Variants in EPHA6 observed in about 807,000 individuals in gnomAD.
EPHA6 encodes the protein EPH receptor A6, also known as ephrin type-A receptor 6.
EPHA6 carries 50 observed loss-of-function variants against 112.0 expected under a neutral mutation model. The ratio of observed to expected loss-of-function variants is 0.45; its 90% confidence interval spans 0.36 to 0.56. The LOEUF is 0.56. Among genes scored for constraint, EPHA6 ranks in the 20% least tolerant of loss-of-function variants. The pLI is 0.00. For missense variants in EPHA6, 1,280 were observed against 1,417.4 expected, an observed-to-expected ratio of 0.90 and a Z score of 1.56; for synonymous variants, 529 against 490.7, an observed-to-expected ratio of 1.08 and a Z score of -1.03.
intron 14 of EPHA6, among the ~76,000 whole-genome samples, chr3:97,677,594 G>C (rs9853231): frequency 0.011 from 1,656 of 152,134 alleles, 32 homozygotes; most frequent in African/African-American, 0.037. Context: ...GGTGGCAGGC[G>C]CCTGTAATCC....
intron 2 of EPHA6, among the ~76,000 whole-genome samples, chr3:96,891,639 G>A (rs1336944612): frequency 6.6e-6 from 1 of 152,108 alleles, no homozygotes; most frequent in Non-Finnish European, 1.5e-5. Flanking sequence ...AACCCGGGAG[G>A]CGGAGGTTTC....
intron 13 of EPHA6, among the ~76,000 whole-genome samples, chr3:97,621,391 C>T (rs1425593296): frequency 1.3e-5 from 2 of 151,950 alleles, no homozygotes; most frequent in Non-Finnish European, 2.9e-5. Context: ...GAAATCTGCA[C>T]ATCCTGCACA....
At chr3:97,376,681 T>G (rs1326810330) in intron 5 of EPHA6, among the ~76,000 whole-genome samples, 2 of 152,244 alleles carry the variant, frequency 1.3e-5, no homozygotes, top group Non-Finnish European at 2.9e-5. Context: ...GCTGCTTCAA[T>G]GAGACAGCAA....
At chr3:96,985,014 T>G (rs889299256) in intron 2 of EPHA6, among the ~76,000 whole-genome samples, 1 of 152,172 alleles carries the variant, frequency 6.6e-6, no homozygotes, top group Non-Finnish European at 1.5e-5. Context: ...AGGCGATGCT[T>G]CGCCCTGCTT....
At chr3:97,105,866 TAA>T (rs1381984093) in intron 3 of EPHA6, among the ~76,000 whole-genome samples, 1 of 152,144 alleles carries the variant, frequency 6.6e-6, no homozygotes, top group Non-Finnish European at 1.5e-5. Flanking sequence ...TTAGGATAGT[TAA>T]GTCTTGTTGA....
At chr3:97,291,596 G>T (rs2080686328) in intron 5 of EPHA6, among the ~76,000 whole-genome samples, 1 of 151,924 alleles carries the variant, frequency 6.6e-6, no homozygotes, top group Non-Finnish European at 1.5e-5. Flanking sequence ...ATCTATCTTT[G>T]TGTTCTGAAA....
chr3:97,528,323 G>A (rs1268634193), intron 10 of EPHA6, among the ~76,000 whole-genome samples: 1 of 152,056 alleles, frequency 6.6e-6, no homozygotes, highest in Non-Finnish European at 1.5e-5. Context: ...CAGTTAAAAG[G>A]GCCTGTTGGT....
rs186667707 is a variant in EPHA6 at position 97,511,155 on chromosome 3, T to C, written c.2201-21203T>C. Among the ~76,000 whole-genome samples, 64 of 152,110 alleles carry C rather than the reference T, an allele frequency of 4.2e-4. 3 individuals carry two copies. Among genetic ancestry groups the C allele is most frequent in the African/African-American group, 1.3e-3 (56 of 41,522 alleles). ...CACTAAGCTAGACCACTTGGCTCCATGGCTTCAGCCCCCTTTCCAGGGGAG... is the reference window on the plus strand; with the variant it reads ...CACTAAGCTAGACCACTTGGCTCCACGGCTTCAGCCCCCTTTCCAGGGGAG... On this transcript the variant is annotated intron_variant, in intron 10 of 17. Transcript: ENST00000389672.
intron 12 of EPHA6, among the ~76,000 whole-genome samples, chr3:97,601,514 G>A (rs1043553981): frequency 6.6e-6 from 1 of 152,130 alleles, no homozygotes; most frequent in African/African-American, 2.4e-5. Flanking sequence ...TGTTGGCTCA[G>A]CCTTCATTGT....
intron 3 of EPHA6, among the ~76,000 whole-genome samples, chr3:96,999,782 C>A (rs2043568600): frequency 6.6e-6 from 1 of 151,842 alleles, no homozygotes; most frequent in African/African-American, 2.4e-5. Flanking sequence ...ATAAGCATAA[C>A]ACAGGCTGTC....
intron 7 of EPHA6, among the ~76,000 whole-genome samples, chr3:97,463,162 A>G (rs1405129145): frequency 6.6e-6 from 1 of 152,156 alleles, no homozygotes; most frequent in African/African-American, 2.4e-5. Flanking sequence ...CAGGTTCGTT[A>G]CATATGTATA....
chr3:97,031,789 A>C (rs1185776432), intron 3 of EPHA6, among the ~76,000 whole-genome samples: 3 of 152,168 alleles, frequency 2.0e-5, no homozygotes, highest in Non-Finnish European at 4.4e-5. Context: ...TTAAAAAGTC[A>C]GGAAACAACA....
Position 97,328,075 on chromosome 3 carries a change from A to ATATG in EPHA6, c.1607-77072_1607-77071insGTAT, listed in dbSNP as rs1553747801. Among the ~76,000 whole-genome samples, 18 of 146,214 alleles carry ATATG rather than the reference A, an allele frequency of 1.2e-4. 1 individual carries two copies. The highest frequency in any genetic ancestry group is 4.3e-4 in the African/African-American group (17 of 39,854). ...TACACATATATATATATATATATAT[A>ATATG]TATAACCTGTTTTGTATAATCATTC... is the stretch of plus-strand genomic sequence containing the variant. On this transcript the variant is annotated intron_variant, in intron 5 of 17. Coordinates refer to ENST00000389672, the MANE Select transcript of EPHA6 (RefSeq NM_001080448.3).
chr3:97,646,225 T>C, intron 14 of EPHA6: 1 of 1,535,710 alleles, frequency 6.5e-7, no homozygotes, highest in South Asian at 1.2e-5. Flanking sequence ...ACTGGACTGG[T>C]CCTCATGTGG....
intron 3 of EPHA6, among the ~76,000 whole-genome samples, chr3:97,163,957 A>G (rs1156383825): frequency 6.6e-6 from 1 of 152,178 alleles, no homozygotes; most frequent in Non-Finnish European, 1.5e-5. Context: ...AACAATTTCA[A>G]TTCTGCAGCT....
chr3:97,201,244 G>A (rs9830951), intron 3 of EPHA6, among the ~76,000 whole-genome samples: 3,038 of 152,098 alleles, frequency 0.02, 97 homozygotes, highest in African/African-American at 0.068. Context: ...TTTCTCTAAC[G>A]TGTCTTAACT....
At chr3:97,169,684 G>T (rs907191266) in intron 3 of EPHA6, among the ~76,000 whole-genome samples, 1 of 152,066 alleles carries the variant, frequency 6.6e-6, no homozygotes, top group African/African-American at 2.4e-5. Flanking sequence ...TTCGTAAAAT[G>T]CAGCCATTTA....
rs763339972 is a variant in EPHA6 at position 97,648,365 on chromosome 3, G to A, written c.2784+10283G>A. The A allele has an allele frequency of 4.4e-6, 7 of 1,590,308 alleles. No homozygotes were observed. In the South Asian group the frequency reaches 8.0e-5, roughly 18 times the overall value. ...AAAGCCAAATTTTCTGTCGGTCTAA[G>A]AAGACATAGCCTACACCCAACTGGA... On this transcript the variant is annotated intron_variant, in intron 14 of 17. Coordinates refer to ENST00000389672, the MANE Select transcript of EPHA6 (RefSeq NM_001080448.3).
chr3:97,079,416 T>A (rs1325144426), intron 3 of EPHA6, among the ~76,000 whole-genome samples: 1 of 151,592 alleles, frequency 6.6e-6, no homozygotes, highest in Non-Finnish European at 1.5e-5. Context: ...CACAGACACA[T>A]TGAGGGGAAC....
Sources: gnomAD v4.1 joint callset for allele counts (sites outside exome capture counted in the v4.1 genomes callset) on GRCh38, gnomAD v4.1.1 for gene constraint, MANE v1.5 for transcripts, NCBI Gene and HGNC (gene_info 2026-07-23, HGNC 2026-07-21) for gene names.